The following ANO4 variants were observed in gnomAD, a reference collection of about 807,000 sequenced individuals.
The protein encoded by ANO4 is anoctamin-4.
ANO4 carries 69 observed loss-of-function variants against 141.9 expected under a neutral mutation model. The ratio of observed to expected loss-of-function variants is 0.49; its 90% CI spans 0.40 to 0.59. ANO4 has a LOEUF of 0.59. Ranked by LOEUF, ANO4 falls within the 20% of genes least tolerant of loss-of-function variation. The probability of loss-of-function intolerance (pLI) is 0.00; values close to 1 mark genes in which losing one functional copy is unlikely to be tolerated. For synonymous variants in ANO4, 350 were observed against 394.3 expected (o/e 0.89, Z 1.33); for missense variants, 894 against 1,162.2 (o/e 0.77, Z 3.36).
chr12:101,034,271 A>C (rs529448412), intron 9 of ANO4, among the ~76,000 whole-genome samples: 4 of 152,352 alleles, frequency 2.6e-5, no homozygotes, highest in Admixed American at 2.0e-4. Flanking sequence ...GGATAAAGAA[A>C]ATGTGGTACA....
intron 1 of ANO4, among the ~76,000 whole-genome samples, chr12:100,860,788 C>A (rs1329497105): frequency 6.6e-6 from 1 of 152,204 alleles, no homozygotes; most frequent in African/African-American, 2.4e-5. Context: ...AGTCATGCAT[C>A]ACTTAACGAT....
chr12:100,826,769 A>G (rs962604220), intron 1 of ANO4, among the ~76,000 whole-genome samples: 8 of 152,062 alleles, frequency 5.3e-5, no homozygotes, highest in East Asian at 3.9e-4. Context: ...TCTCCAAACC[A>G]GTTCCTCCTG....
In ANO4 at chr12:101,073,043, A is replaced by G. The variant is rs144144821; in HGVS notation, c.1313-6150A>G. 1.3e-4 allele frequency among the ~76,000 whole-genome samples: 20 copies of G among 152,342 alleles called. 1 individual carries two copies. Among genetic ancestry groups the G allele is most frequent in the African/African-American group, 4.8e-4 (20 of 41,586 alleles). On this transcript the variant is annotated intron_variant, in intron 14 of 27. Transcript: ENST00000392977. ...CAGTGTGGCAATTCCTCAAGGATCT[A>G]GAACTGGAAATACCATTTGACCCAG...
rs1032186040 is a variant in ANO4 at position 100,997,452 on chromosome 12, T to C, written c.734+9782T>C. Among the ~76,000 whole-genome samples the C allele has an allele frequency of 2.0e-5, 3 of 151,706 alleles. No individual in the cohort carries two copies. The East Asian group carries it at 5.8e-4, about 29-fold the overall frequency. ...CTTACCCTAGGGATAAGCCTGTGCA[T>C]GTGAAGACATCTGATTTCCTTTGGA... On this transcript the variant is annotated intron_variant, in intron 8 of 27. Coordinates refer to ENST00000392977, the MANE Select transcript of ANO4 (RefSeq NM_001286615.2).
intron 14 of ANO4, among the ~76,000 whole-genome samples, chr12:101,055,094 T>G (rs1356061239): frequency 6.6e-6 from 1 of 152,220 alleles, no homozygotes; most frequent in Non-Finnish European, 1.5e-5. Context: ...TTCAGTATGG[T>G]TTTTAACTAC....
At chr12:100,735,144 A>T (rs553996612) in intron 2 of ANO4, among the ~76,000 whole-genome samples, 1 of 152,262 alleles carries the variant, frequency 6.6e-6, no homozygotes, top group East Asian at 1.9e-4. Context: ...AGGTTATTGA[A>T]TCTTCATTTG....
At chr12:100,806,524 GTTTTTTT>G (rs763949654) in intron 1 of ANO4, among the ~76,000 whole-genome samples, 19 of 59,810 alleles carry the variant, frequency 3.2e-4, no homozygotes, top group Non-Finnish European at 5.8e-4. Flanking sequence ...TTTTTGTTTC[GTTTTTTT>G]TTTTTTTTTT....
intron 1 of ANO4, among the ~76,000 whole-genome samples, chr12:100,831,310 G>A (rs2036619382): frequency 6.6e-6 from 1 of 152,046 alleles, no homozygotes; most frequent in Admixed American, 6.6e-5. Context: ...TACCTGGAGA[G>A]GACTCCTCCC....
In ANO4 at chr12:100,779,476, A is replaced by G. The variant is rs1167800732; in HGVS notation, c.358+39371A>G. On this transcript the variant is annotated intron_variant, in intron 3 of 29. Coordinates refer to the ANO4 transcript ENST00000644049. ...TTTGCTTCTTGGCAATTTCTTTTTT[A>G]TTCTTATTGATTCTACCATGGCAGC... Among the ~76,000 whole-genome samples the G allele has an allele frequency of 2.6e-5, 4 of 152,144 alleles. No individual in the cohort carries two copies. In the East Asian group the frequency reaches 7.7e-4, roughly 29 times the overall value.
At chr12:100,953,605 G>A (rs779294536) in intron 5 of ANO4, among the ~76,000 whole-genome samples, 7 of 152,170 alleles carry the variant, frequency 4.6e-5, no homozygotes, top group Admixed American at 3.3e-4. Context: ...TACTATTGAA[G>A]GAAGGGAGGC....
Position 100,971,330 on chromosome 12 carries a change from A to G in ANO4, c.481A>G (p.Ile161Val). The part of the protein sequence containing the change: ...KESSLINSDI[I>V]FVKLHAPWEV... ...GTCCTCTCTAATAAATAGTGACATT[A>G]TCTTTGTGAAGTTGCATGCCCCATG... The change falls in exon 6 of 28, where the codon ATC becomes GTC. Residue 161 changes from isoleucine (I) to valine (V), a missense_variant. Transcript: ENST00000392977. The G allele has an allele frequency of 4.3e-6, 7 of 1,611,276 alleles. No individual in the cohort carries two copies. The highest frequency in any genetic ancestry group is 5.9e-6 in the Non-Finnish European group (7 of 1,177,738).
At chr12:100,726,675 G>A (rs1470697877) in intron 1 of ANO4, among the ~76,000 whole-genome samples, 2 of 152,224 alleles carry the variant, frequency 1.3e-5, no homozygotes, top group Non-Finnish European at 2.9e-5. Flanking sequence ...ACTCGGAGGA[G>A]CAGGGTGGTA....
chr12:101,014,991 A>G (rs1012765993), intron 8 of ANO4, among the ~76,000 whole-genome samples: 4 of 99,796 alleles, frequency 4.0e-5, no homozygotes, highest in Non-Finnish European at 9.8e-5. Context: ...CACCACACCC[A>G]GCTAATTTTT....
intron 3 of ANO4, among the ~76,000 whole-genome samples, chr12:100,788,532 C>A (rs1391593245): frequency 6.6e-6 from 1 of 152,128 alleles, no homozygotes; most frequent in African/African-American, 2.4e-5. Flanking sequence ...TCTATATAAA[C>A]TTGAACGTTG....
At chr12:100,779,781 A>T (rs2033656688) in intron 3 of ANO4, among the ~76,000 whole-genome samples, 1 of 152,128 alleles carries the variant, frequency 6.6e-6, no homozygotes, top group South Asian at 2.1e-4. Flanking sequence ...TGTCCCATTC[A>T]TCTTTGTACC....
At chr12:101,009,751 G>A (rs2046008103) in intron 8 of ANO4, among the ~76,000 whole-genome samples, 1 of 152,030 alleles carries the variant, frequency 6.6e-6, no homozygotes, top group Non-Finnish European at 1.5e-5. Context: ...AACCTGTATA[G>A]TCTTGTCTTT....
chr12:101,108,503 G>A (rs752783414), intron 22 of ANO4, among the ~76,000 whole-genome samples: 1 of 152,094 alleles, frequency 6.6e-6, no homozygotes, highest in Non-Finnish European at 1.5e-5. Context: ...ACCACCTAAG[G>A]TTGTCATGAA....
At chr12:100,871,375 G>GTTT (rs2039026487) in intron 1 of ANO4, among the ~76,000 whole-genome samples, 2 of 152,236 alleles carry the variant, frequency 1.3e-5, no homozygotes, top group Admixed American at 6.5e-5. Context: ...AAACTTGTTG[G>GTTT]CACCCTGCAG....
intron 1 of ANO4, among the ~76,000 whole-genome samples, chr12:100,894,261 A>G (rs753759971): frequency 6.6e-6 from 1 of 152,066 alleles, no homozygotes; most frequent in Non-Finnish European, 1.5e-5. Flanking sequence ...AAATAAAAGG[A>G]GGCATGACAG....
Sources: allele counts gnomAD v4.1 joint callset (sites outside exome capture counted in the v4.1 genomes callset), GRCh38; gene constraint gnomAD v4.1.1; transcripts MANE v1.5; gene names NCBI Gene and HGNC (gene_info 2026-07-23, HGNC 2026-07-21).